PIDD1: variants seen among roughly 807,000 people sequenced by gnomAD.
The protein encoded by PIDD1 is p53-induced death domain protein 1, also known as p53-induced death domain-containing protein 1.
In PIDD1, 72 loss-of-function variants were observed where a neutral mutation model predicts 80.0. The observed-to-expected ratio is 0.90, with a 90% confidence interval of 0.74 to 1.09. The LOEUF (loss-of-function observed/expected upper bound fraction) is 1.09. PIDD1 is among the 50% of genes least tolerant of loss of function. The pLI is 0.00. For synonymous variants in PIDD1, 655 were observed against 543.5 expected, an observed-to-expected ratio of 1.21 and a Z score of -2.85; for missense variants, 1,329 against 1,228.3, an observed-to-expected ratio of 1.08 and a Z score of -1.23.
In PIDD1 at chr11:802,869, G is replaced by A. The variant is rs753893387; in HGVS notation, c.732C>T (p.Leu244=). 9 of 1,574,794 alleles carry A rather than the reference G, an allele frequency of 5.7e-6. No homozygotes were observed. Among genetic ancestry groups the A allele is most frequent in the Non-Finnish European group, 6.9e-6 (8 of 1,160,964 alleles). ...CCAGGAGGTTGCTGTGCAGGACAAG[G>A]AGCCGCAAGGACCGAAGTCCCGCTG... ...ASLAGLRSLR[L]LVLHSNLLAS... The change falls in exon 4 of 16, where the codon CTC becomes CTT. Residue 244 remains leucine, a synonymous_variant. Coordinates refer to ENST00000347755, the MANE Select transcript of PIDD1 (RefSeq NM_145886.4).
Position 805,230 on chromosome 11 carries a change from C to A in PIDD1, c.-127G>T. The stretch of plus-strand genomic sequence containing the variant: ...TGGCTGCTCAGCGGGCGCTCGGCGC[C>A]TGGGATCCCGCCGGCGCGTTTCTGG... On this transcript the variant is annotated 5_prime_UTR_variant, in exon 1 of 16. It adds an upstream start codon to the 5' untranslated region. Coordinates refer to ENST00000347755, the MANE Select transcript of PIDD1 (RefSeq NM_145886.4). The A allele has an allele frequency of 5.1e-6, 5 of 983,322 alleles. No homozygotes were observed. The highest frequency in any genetic ancestry group is 6.0e-6 in the Non-Finnish European group (5 of 828,008). The allele number at this position is 983,322 out of a possible 1,614,324, so 60.9% of individuals were successfully genotyped here.
At chr11:805,062 CCCCAG>C (rs1590155999) in intron 1 of PIDD1, 112 bp downstream of exon 1, 15 of 287,196 alleles carry the variant, frequency 5.2e-5, no homozygotes, top group Non-Finnish European at 7.3e-5. Context: ...GGGGGGCGGG[CCCCAG>C]CCCCGAGGCA....
upstream of PIDD1, among the ~76,000 whole-genome samples, chr11:808,177 A>T (rs1218460531): frequency 6.6e-6 from 1 of 152,104 alleles, no homozygotes; most frequent in Non-Finnish European, 1.5e-5. Flanking sequence ...CTGTAATCCC[A>T]GCACTTTGGG....
Position 799,431 on chromosome 11 carries a change from C to CGCA in PIDD1, c.2606_2608dup (p.Val869_Arg870insLeu). 2 of 1,611,220 alleles carry CGCA rather than the reference C, an allele frequency of 1.2e-6. No individual in the cohort carries two copies. Among genetic ancestry groups the CGCA allele is most frequent in the Non-Finnish European group, 1.7e-6 (2 of 1,179,888 alleles). Reference sequence around the variant, plus strand: ...GCGGCGGCCGAGCTCCAAGACTGCGCGCACCTCTTCAGCCACGTCCTGCCG... The same window carrying CGCA: ...GCGGCGGCCGAGCTCCAAGACTGCGCGCAGCACCTCTTCAGCCACGTCCTGCCG... On this transcript the variant is annotated inframe_insertion, in exon 16 of 16. Transcript: ENST00000347755.
upstream of PIDD1, among the ~76,000 whole-genome samples, chr11:807,637 C>T (rs921288245): frequency 8.6e-5 from 13 of 151,706 alleles, no homozygotes; most frequent in East Asian, 1.9e-4. Context: ...CTTAGCCGGG[C>T]GCGGTAGCAG....
At chr11:802,983 C>A in intron 3 of PIDD1, 92 bp from the exon 4 acceptor site, 2 of 1,164,160 alleles carry the variant, frequency 1.7e-6, no homozygotes, top group Non-Finnish European at 2.5e-6. Flanking sequence ...CTGTTTCAGA[C>A]TCTCCTCCAC....
Position 799,315 on chromosome 11 carries a change from G to A in PIDD1, c.2725C>T (p.Gln909Ter). 6.3e-7 allele frequency: 1 copy of A among 1,599,390 alleles called. No homozygotes were observed. Among genetic ancestry groups the A allele is most frequent in the Non-Finnish European group, 8.5e-7 (1 of 1,174,246 alleles). The change falls in exon 16 of 16, where the codon CAG (glutamine) becomes TAG (stop). Residue 909 changes from glutamine to a stop codon, truncating the protein, a stop_gained. Transcript: ENST00000347755. LOFTEE classifies it high-confidence loss of function. ...CTAAAAGTCTGTGGGGCCTAGGCCTGGGCAGGCTCTGGGGGCTGTGGAGCC... is the reference window on the plus strand; with the variant it reads ...CTAAAAGTCTGTGGGGCCTAGGCCTAGGCAGGCTCTGGGGGCTGTGGAGCC... ...SSAPQPPEPAQA is the reference protein window; with the variant it reads ...SSAPQPPEPA
intron 2 of PIDD1, chr11:803,842 G>A: frequency 1.6e-6 from 1 of 624,882 alleles, no homozygotes; most frequent in Non-Finnish European, 2.8e-6. Flanking sequence ...TCTGCACTGT[G>A]GTCTGGAGAG....
rs1865637313 is a variant in PIDD1 at position 804,453 on chromosome 11, G to A, written c.-65C>T. On this transcript the variant is annotated 5_prime_UTR_variant, in exon 2 of 16. Transcript: ENST00000347755. ...ACGCAGGCAGGCCTGTCCAGGCAGC[G>A]CCCGGGGAAGCTGCAGAGGCAGGAG... is the stretch of plus-strand genomic sequence containing the variant. 21 of 1,509,638 alleles carry A rather than the reference G, an allele frequency of 1.4e-5. No individual in the cohort carries two copies. The highest frequency in any genetic ancestry group is 4.2e-5 in the Admixed American group (2 of 47,062). The allele number at this position is 1,509,638 out of a possible 1,614,324, so 93.5% of individuals were successfully genotyped here. A position where few individuals can be genotyped will look rare whatever the true frequency, so the allele number is the denominator to read the frequency against.
chr11:800,680 C>T lies in PIDD1; in HGVS notation c.1918-14G>A, dbSNP rs762197666. ...GGTGGCGTCCACCTGCGGGGAAGCC[C>T]GTGCAGCTCAGGACCCAAAGCTCTG... On this transcript the variant is annotated splice_polypyrimidine_tract_variant and intron_variant, in intron 11 of 15. Coordinates refer to ENST00000347755, the MANE Select transcript of PIDD1 (RefSeq NM_145886.4). 42 of 1,572,034 alleles carry T rather than the reference C, an allele frequency of 2.7e-5. 1 individual carries two copies. In the Admixed American group the frequency reaches 5.4e-4, roughly 20 times the overall value.
chr11:807,233 G>T (rs1046401565), upstream of PIDD1, among the ~76,000 whole-genome samples: 11 of 149,812 alleles, frequency 7.3e-5, no homozygotes, highest in African/African-American at 2.2e-4. Flanking sequence ...GCTCGCATCT[G>T]TAATTCCAGC....
intron 2 of PIDD1, chr11:803,861 T>C (rs1865579385): frequency 1.6e-6 from 1 of 627,740 alleles, no homozygotes; most frequent in African/African-American, 1.8e-5. Flanking sequence ...AGACCCCCAC[T>C]GGGCAGCGTC....
chr11:803,595 G>A lies in PIDD1; in HGVS notation c.296-8C>T, dbSNP rs2133803824. 2 of 1,597,968 alleles carry A rather than the reference G, an allele frequency of 1.3e-6. No homozygotes were observed. The highest frequency in any genetic ancestry group is 1.1e-5 in the South Asian group (1 of 89,650). ...TGTCCCGGCGTTGCCCTCCTGGGAAGGGGGGAGGCGGATGTGGCCCTCAGA... is the reference window on the plus strand; with the variant it reads ...TGTCCCGGCGTTGCCCTCCTGGGAAAGGGGGAGGCGGATGTGGCCCTCAGA... On this transcript the variant is annotated splice_region_variant and splice_polypyrimidine_tract_variant and intron_variant, in intron 2 of 15. Transcript: ENST00000347755.
At position 801,427 on chromosome 11, in the gene PIDD1, G is replaced by C; in HGVS notation, c.1482+18C>G. 1.3e-6 allele frequency: 2 copies of C among 1,562,006 alleles called. No homozygotes were observed. Among genetic ancestry groups the C allele is most frequent in the Non-Finnish European group, 1.7e-6 (2 of 1,152,608 alleles). On this transcript the variant is annotated intron_variant, in intron 8 of 15. Transcript: ENST00000347755. ...GCTGAGGCGCGGCCTGCCACCCTCA[G>C]TGCTGTCCTGGCCATACCTGCATGG...
Position 801,297 on chromosome 11 carries a change from C to T in PIDD1, c.1551G>A (p.Leu517=). The change falls in exon 9 of 16, where the codon CTG becomes CTA. Residue 517 remains leucine (L), a synonymous_variant. Coordinates refer to ENST00000347755, the MANE Select transcript of PIDD1 (RefSeq NM_145886.4). ...LGEPEAAVSP[L]LCLSQSGPPS... Reference sequence around the variant, plus strand: ...GGGGACCGCTCTGTGACAGGCACAGCAGGGGGCTCACTGCAGCCTCTGGTT... The same window carrying T: ...GGGGACCGCTCTGTGACAGGCACAGTAGGGGGCTCACTGCAGCCTCTGGTT... 6.3e-7 allele frequency: 1 copy of T among 1,599,566 alleles called. No individual in the cohort carries two copies. The highest frequency in any genetic ancestry group is 8.5e-7 in the Non-Finnish European group (1 of 1,172,806).
intron 14 of PIDD1, 53 bp downstream of exon 14, chr11:800,078 G>A (rs1865132089): frequency 6.2e-7 from 1 of 1,604,612 alleles, no homozygotes; most frequent in Non-Finnish European, 8.5e-7. Context: ...TGTCACCCTG[G>A]TCACCCCTGG....
rs933105375 is a variant in PIDD1, at chr11:799,316, G to C, written c.2724C>G (p.Ala908=). Residue 908 remains alanine (A), a synonymous_variant, in exon 16 of 16, where the codon GCC becomes GCG. Coordinates refer to ENST00000347755, the MANE Select transcript of PIDD1 (RefSeq NM_145886.4). The stretch of plus-strand genomic sequence containing the variant: ...TAAAAGTCTGTGGGGCCTAGGCCTG[G>C]GCAGGCTCTGGGGGCTGTGGAGCCG... The part of the protein sequence containing the change: ...GSSAPQPPEP[A]QA 6.3e-7 allele frequency: 1 copy of C among 1,599,732 alleles called. No homozygotes were observed.
At chr11:805,287 G>A (rs542751126), upstream of PIDD1, 292 of 927,666 alleles carry the variant, frequency 3.1e-4, 2 homozygotes, top group African/African-American at 5.1e-3. Context: ...CGCCCCTTGG[G>A]CCCCGCCCCC....
chr11:801,906 G>C (rs140648576), intron 7 of PIDD1, 59 bp downstream of exon 7: 6 of 1,579,454 alleles, frequency 3.8e-6, no homozygotes, highest in Middle Eastern at 1.7e-4. Flanking sequence ...CTGGGCAGAG[G>C]TGCACGGCTC....
Sources: gnomAD v4.1 joint callset for allele counts (sites outside exome capture counted in the v4.1 genomes callset) on GRCh38, gnomAD v4.1.1 for gene constraint, MANE v1.5 for transcripts, NCBI Gene and HGNC (gene_info 2026-07-23, HGNC 2026-07-21) for gene names.